CDC25C: variants seen among roughly 807,000 people sequenced by gnomAD.
CDC25C encodes the protein cell division cycle 25C, also known as M-phase inducer phosphatase 3.
In CDC25C, 48 loss-of-function variants were observed where a neutral mutation model predicts 52.5. The observed-to-expected ratio is 0.91, with a 90% CI of 0.72 to 1.16. CDC25C has a LOEUF of 1.16. Among genes scored for constraint, CDC25C ranks in the 50% most tolerant of loss-of-function variants. The pLI is 0.00. For synonymous variants in CDC25C, 187 were observed against 206.5 expected (o/e 0.91, Z 0.81); for missense variants, 510 against 566.1 (o/e 0.90, Z 1.01).
upstream of CDC25C, among the ~76,000 whole-genome samples, chr5:138,335,776 T>TG (rs1229331295): frequency 6.7e-6 from 1 of 149,338 alleles, no homozygotes; most frequent in Non-Finnish European, 1.5e-5. Flanking sequence ...GGGTTTTTTT[T>TG]TTTGTTTTGT....
rs116088835 is a variant in CDC25C, at chr5:138,287,069, G to A, written c.1026+100C>T. 213 of 748,700 alleles carry A rather than the reference G, an allele frequency of 2.8e-4. No individual in the cohort carries two copies. In the African/African-American group the frequency reaches 3.3e-3, roughly 12 times the overall value. 46.4% of individuals were successfully genotyped at this position (748,700 alleles called of 1,614,324 possible). ...GAGGTGCTTCAAATATGTAATCTTT[G>A]TCCTGACTCTAGAGTTCATAGACCC... On this transcript the variant is annotated intron_variant, in intron 11 of 13. Transcript: ENST00000323760.
intron 7 of CDC25C, among the ~76,000 whole-genome samples, chr5:138,294,308 C>T (rs570380605): frequency 6.6e-6 from 1 of 151,562 alleles, no homozygotes; most frequent in East Asian, 1.9e-4. Flanking sequence ...TCTCCTGCCT[C>T]GGCCTCCCGA....
At chr5:138,323,644 A>C (rs996373536) in intron 6 of CDC25C, among the ~76,000 whole-genome samples, 2 of 152,024 alleles carry the variant, frequency 1.3e-5, no homozygotes, top group African/African-American at 4.8e-5. Context: ...TAGACTGCTC[A>C]GCAGAAAGTA....
At chr5:138,294,903 C>A (rs1195369220) in intron 7 of CDC25C, among the ~76,000 whole-genome samples, 1 of 152,194 alleles carries the variant, frequency 6.6e-6, no homozygotes, top group East Asian at 1.9e-4. Flanking sequence ...CCAGCCTCGG[C>A]CTCCCAAAGT....
At chr5:138,287,893 C>G (rs535117970) in intron 10 of CDC25C, among the ~76,000 whole-genome samples, 59 of 152,102 alleles carry the variant, frequency 3.9e-4, no homozygotes, top group Admixed American at 6.6e-4. Context: ...TTTATATTAT[C>G]AATATATTAG....
intron 7 of CDC25C, among the ~76,000 whole-genome samples, chr5:138,315,614 T>C (rs914524595): frequency 6.6e-6 from 1 of 152,240 alleles, no homozygotes; most frequent in Non-Finnish European, 1.5e-5. Context: ...GTGTATGTGA[T>C]GAGGACATAA....
intron 9 of CDC25C, among the ~76,000 whole-genome samples, chr5:138,290,197 CTG>C (rs761877099): frequency 6.6e-6 from 1 of 151,980 alleles, no homozygotes; most frequent in Non-Finnish European, 1.5e-5. Flanking sequence ...AAAGCAAAAA[CTG>C]TATTTGTATA....
At chr5:138,288,257 T>C (rs1004417620) in intron 10 of CDC25C, among the ~76,000 whole-genome samples, 4 of 152,106 alleles carry the variant, frequency 2.6e-5, no homozygotes, top group African/African-American at 9.6e-5. Flanking sequence ...ATATTTTTAG[T>C]AGAGACGGGG....
Position 138,328,546 on chromosome 5 carries a change from A to C in CDC25C, c.290-17T>G, listed in dbSNP as rs199625066. 2.2e-4 allele frequency: 354 copies of C among 1,608,718 alleles called. 3 individuals are homozygous for C. In the African/African-American group the frequency reaches 4.1e-3, roughly 19 times the overall value. Reference sequence around the variant, plus strand: ...CCAGGTGACCTGCAATCAAATATAAAGAATCAGTAAAAGGAGTTATTCTTG... The same window carrying C: ...CCAGGTGACCTGCAATCAAATATAACGAATCAGTAAAAGGAGTTATTCTTG... On this transcript the variant is annotated splice_polypyrimidine_tract_variant and intron_variant, in intron 3 of 13. Coordinates refer to ENST00000323760, the MANE Select transcript of CDC25C (RefSeq NM_001790.5).
chr5:138,317,780 C>T (rs2126786579), intron 7 of CDC25C, among the ~76,000 whole-genome samples: 1 of 150,696 alleles, frequency 6.6e-6, no homozygotes, highest in South Asian at 2.1e-4. Flanking sequence ...TAGGCTATAA[C>T]CCACATGCTT....
At chr5:138,307,490 C>CAAAA (rs57593237) in intron 7 of CDC25C, among the ~76,000 whole-genome samples, 353 of 88,180 alleles carry the variant, frequency 4.0e-3, no homozygotes, top group Non-Finnish European at 4.6e-3. Context: ...GAGACTGCCA[C>CAAAA]AAAAAAAAAA....
intron 7 of CDC25C, among the ~76,000 whole-genome samples, chr5:138,296,442 G>A (rs1757188599): frequency 6.6e-6 from 1 of 151,584 alleles, no homozygotes; most frequent in South Asian, 2.1e-4. Context: ...ACAGAGTCTA[G>A]CTGTGTTGCC....
At chr5:138,338,276 C>T in exon 1 of CDC25C, 3 of 915,280 alleles carry the variant, frequency 3.3e-6, no homozygotes, top group South Asian at 1.4e-5. Context: ...AGAGCTGCTC[C>T]GGCCGCGGCC....
Position 138,329,613 on chromosome 5 carries a change from G to T in CDC25C, c.229C>A (p.Leu77Ile). ...GTGGCAGTTATCTCCCCACTGCTAA[G>T]ATTCGAAAGATCGAGGCAACGTTTT... ...TPKRCLDLSN[L>I]SSGEITATQL... Residue 77 changes from leucine (L) to isoleucine (I), a missense_variant, in exon 3 of 14, where the codon CTT (leucine) becomes ATT (isoleucine). Physicochemically the swap from Leu to Ile is conservative, Grantham distance 5 (BLOSUM62 2). Coordinates refer to ENST00000323760, the MANE Select transcript of CDC25C (RefSeq NM_001790.5). 6.2e-7 allele frequency: 1 copy of T among 1,612,286 alleles called. No homozygotes were observed. The highest frequency in any genetic ancestry group is 2.2e-5 in the East Asian group (1 of 44,782).
At chr5:138,329,728 T>A in intron 2 of CDC25C, 81 bp from the exon 3 acceptor site, 18 of 165,996 alleles carry the variant, frequency 1.1e-4, no homozygotes, top group Non-Finnish European at 1.7e-4. Flanking sequence ...ATCCTCTTCT[T>A]TTTTTTTTTT....
intron 7 of CDC25C, among the ~76,000 whole-genome samples, chr5:138,292,997 A>G (rs1756875522): frequency 6.6e-6 from 1 of 152,224 alleles, no homozygotes; most frequent in Non-Finnish European, 1.5e-5. Context: ...ACAATAAGAG[A>G]GCCATAACTG....
chr5:138,285,728 C>T lies in CDC25C; in HGVS notation c.1386G>A (p.Glu462=), dbSNP rs1402642041. The T allele has an allele frequency of 1.2e-6, 2 of 1,614,192 alleles. No individual in the cohort carries two copies. The highest frequency in any genetic ancestry group is 1.3e-5 in the African/African-American group (1 of 75,046). The change falls in exon 14 of 14, where the codon GAG becomes GAA. Residue 462 remains glutamate (E), a synonymous_variant. Coordinates refer to ENST00000323760, the MANE Select transcript of CDC25C (RefSeq NM_001790.5). ...TGTCCTTCACCAGAAGGGCAATCTG[C>T]TCCCGCAGCTGCCGCTCCCCTTCCT... ...KVQEGERQLR[E]QIALLVKDMS...
chr5:138,319,434 A>G, intron 6 of CDC25C, 60 bp from the exon 7 acceptor site: 1 of 1,331,244 alleles, frequency 7.5e-7, no homozygotes, highest in Non-Finnish European at 1.0e-6. Context: ...TCTAAATGTA[A>G]GAGCTAAAAC....
intron 7 of CDC25C, among the ~76,000 whole-genome samples, chr5:138,314,082 G>T (rs572749674): frequency 1.5e-4 from 22 of 142,984 alleles, no homozygotes; most frequent in African/African-American, 5.7e-4. Context: ...TGCAACCTCT[G>T]CCTCCTGGGT....
Sources: allele counts gnomAD v4.1 joint callset (sites outside exome capture counted in the v4.1 genomes callset), GRCh38; gene constraint gnomAD v4.1.1; transcripts MANE v1.5; gene names NCBI Gene and HGNC (gene_info 2026-07-23, HGNC 2026-07-21).